The following ELP4 variants were observed in gnomAD, a reference collection of about 807,000 sequenced individuals.
ELP4 encodes the protein elongator complex protein 4.
Under a neutral mutation model 48.9 loss-of-function variants are expected in ELP4, and 51 were observed. The observed-to-expected ratio is 1.04, with a 90% confidence interval of 0.83 to 1.32. The LOEUF (loss-of-function observed/expected upper bound fraction) is 1.32, where lower values mean the gene tolerates loss of function less well. ELP4 is among the 40% of genes most tolerant of loss of function. The pLI is 0.00. For missense variants in ELP4, 519 were observed against 514.6 expected, an observed-to-expected ratio of 1.01 and a Z score of -0.08; for synonymous variants, 210 against 189.2, an observed-to-expected ratio of 1.11 and a Z score of -0.90.
intron 9 of ELP4, among the ~76,000 whole-genome samples, chr11:31,732,865 G>C (rs1383193716): frequency 6.6e-6 from 1 of 152,152 alleles, no homozygotes; most frequent in Non-Finnish European, 1.5e-5. Context: ...GGAAGATATA[G>C]CAATTGTAAA....
intron 3 of ELP4, among the ~76,000 whole-genome samples, chr11:31,559,243 G>A (rs373841855): frequency 6.8e-4 from 104 of 152,314 alleles, no homozygotes; most frequent in African/African-American, 2.1e-3. Context: ...TCAGTGGCTA[G>A]TGTTTCTTTC....
At chr11:31,686,904 A>C (rs1260303498) in intron 9 of ELP4, among the ~76,000 whole-genome samples, 3 of 151,880 alleles carry the variant, frequency 2.0e-5, no homozygotes, top group African/African-American at 7.3e-5. Context: ...GAGTATGAAA[A>C]GAGATTGGAG....
intron 9 of ELP4, among the ~76,000 whole-genome samples, chr11:31,707,678 T>G (rs1946662231): frequency 6.6e-6 from 1 of 152,158 alleles, no homozygotes; most frequent in Non-Finnish European, 1.5e-5. Context: ...TTCCCTATAA[T>G]TCTAGAGGTC....
intron 3 of ELP4, among the ~76,000 whole-genome samples, chr11:31,585,236 C>G (rs1358544827): frequency 6.6e-6 from 1 of 152,076 alleles, no homozygotes; most frequent in Non-Finnish European, 1.5e-5. Flanking sequence ...TTAGGATAAT[C>G]TTAAGAATTA....
chr11:31,729,092 T>C (rs1479506169), intron 9 of ELP4, among the ~76,000 whole-genome samples: 1 of 152,134 alleles, frequency 6.6e-6, no homozygotes, highest in African/African-American at 2.4e-5. Context: ...AAAAATCAAA[T>C]CCAAAAGAAA....
intron 9 of ELP4, among the ~76,000 whole-genome samples, chr11:31,696,712 A>G (rs1035632460): frequency 1.3e-5 from 2 of 152,170 alleles, no homozygotes; most frequent in African/African-American, 4.8e-5. Context: ...AAACATGCCA[A>G]ATTGTAAAGA....
intron 3 of ELP4, among the ~76,000 whole-genome samples, chr11:31,550,268 A>T (rs942120620): frequency 2.6e-5 from 4 of 152,178 alleles, no homozygotes; most frequent in African/African-American, 9.6e-5. Flanking sequence ...TTTTGTAAAA[A>T]TAAAGTCATT....
intron 3 of ELP4, among the ~76,000 whole-genome samples, chr11:31,559,525 A>T (rs1014492432): frequency 6.6e-6 from 1 of 152,214 alleles, no homozygotes; most frequent in African/African-American, 2.4e-5. Flanking sequence ...AAAGTATAAC[A>T]TATAGGCTGC....
intron 3 of ELP4, among the ~76,000 whole-genome samples, chr11:31,578,401 G>T (rs1437982029): frequency 6.6e-6 from 1 of 152,126 alleles, no homozygotes; most frequent in East Asian, 1.9e-4. Context: ...TCCCCATCAA[G>T]CTACCAATGA....
intron 6 of ELP4, among the ~76,000 whole-genome samples, chr11:31,629,715 A>G (rs1269955367): frequency 6.6e-6 from 1 of 151,830 alleles, no homozygotes; most frequent in Non-Finnish European, 1.5e-5. Flanking sequence ...CAGAGAAAAC[A>G]ATATTATCCT....
intron 2 of ELP4, among the ~76,000 whole-genome samples, chr11:31,538,386 T>C (rs1275725661): frequency 2.0e-5 from 3 of 148,210 alleles, no homozygotes; most frequent in African/African-American, 4.9e-5. Context: ...AATATAATTA[T>C]ATTGTATTAT....
chr11:31,693,768 A>G (rs1946334595), intron 9 of ELP4, among the ~76,000 whole-genome samples: 1 of 152,232 alleles, frequency 6.6e-6, no homozygotes, highest in Non-Finnish European at 1.5e-5. Context: ...ACTAGTTTAC[A>G]GTCCCACCAA....
At chr11:31,694,876 A>C (rs937963939) in intron 9 of ELP4, among the ~76,000 whole-genome samples, 27 of 152,244 alleles carry the variant, frequency 1.8e-4, no homozygotes, top group African/African-American at 6.5e-4. Flanking sequence ...GGTCCTTGAC[A>C]TCCCTTGTAA....
intron 9 of ELP4, among the ~76,000 whole-genome samples, chr11:31,776,455 T>TA (rs1188112665): frequency 6.6e-6 from 1 of 152,220 alleles, no homozygotes; most frequent in African/African-American, 2.4e-5. Context: ...ACCTCTGTTC[T>TA]AGAAGGCTAT....
intron 5 of ELP4, among the ~76,000 whole-genome samples, chr11:31,608,047 T>TG (rs1436481411): frequency 6.6e-6 from 1 of 152,078 alleles, no homozygotes. Flanking sequence ...CAATTTTTTT[T>TG]TTTTTTTAGG....
In ELP4 at chr11:31,789,491, C is replaced by CT; in HGVS notation, c.*5968dup. The CT allele has an allele frequency of 1.8e-6, 1 of 560,198 alleles. No individual in the cohort carries two copies. Among genetic ancestry groups the CT allele is most frequent in the Non-Finnish European group, 3.1e-6 (1 of 319,778 alleles). The allele number at this position is 560,198 out of a possible 1,614,324, so 34.7% of individuals were successfully genotyped here. A position where few individuals can be genotyped will look rare whatever the true frequency, so the allele number is the denominator to read the frequency against. ...CAAACTTGGAACATCAGTCCATAAA[C>CT]TATGAACAGATGGGTAGAAGTATTC... is the stretch of plus-strand genomic sequence containing the variant. On this transcript the variant is annotated 3_prime_UTR_variant, in exon 10 of 10. Transcript: ENST00000640961.
At chr11:31,681,321 G>A (rs1946047030) in intron 9 of ELP4, among the ~76,000 whole-genome samples, 1 of 152,186 alleles carries the variant, frequency 6.6e-6, no homozygotes, top group Admixed American at 6.5e-5. Context: ...TTTGTTACGT[G>A]CCCAAGCTTT....
At chr11:31,763,957 G>A (rs910942322) in intron 9 of ELP4, among the ~76,000 whole-genome samples, 14 of 151,858 alleles carry the variant, frequency 9.2e-5, no homozygotes, top group African/African-American at 2.4e-4. Context: ...TCTTTAAACC[G>A]AAAATCTATA....
At chr11:31,711,390 GT>G (rs1217973198) in intron 9 of ELP4, among the ~76,000 whole-genome samples, 2 of 152,122 alleles carry the variant, frequency 1.3e-5, no homozygotes, top group Non-Finnish European at 2.9e-5. Context: ...TTCAGAGCCA[GT>G]AATTCAGTCA....
Sources: allele counts gnomAD v4.1 joint callset (sites outside exome capture counted in the v4.1 genomes callset), GRCh38; gene constraint gnomAD v4.1.1; transcripts MANE v1.5; gene names NCBI Gene and HGNC (gene_info 2026-07-23, HGNC 2026-07-21).